The following ASIC2 variants were observed in gnomAD, a reference collection of about 807,000 sequenced individuals.
ASIC2 encodes acid sensing ion channel subunit 2.
ASIC2 carries 25 observed loss-of-function variants against 57.3 expected under a neutral mutation model. The ratio of observed to expected loss-of-function variants is 0.44; its 90% confidence interval spans 0.32 to 0.61. The LOEUF (loss-of-function observed/expected upper bound fraction) is 0.61, where lower values mean the gene tolerates loss of function less well. Ranked by LOEUF, ASIC2 falls within the 20% of genes least tolerant of loss-of-function variation. The pLI is 0.06. For synonymous variants in ASIC2, 319 were observed against 307.5 expected (o/e 1.04, Z -0.39); for missense variants, 641 against 738.1 (o/e 0.87, Z 1.52).
At chr17:33,695,738 C>T (rs1439509007) in intron 1 of ASIC2, among the ~76,000 whole-genome samples, 2 of 152,212 alleles carry the variant, frequency 1.3e-5, no homozygotes, top group Non-Finnish European at 2.9e-5. Context: ...ATATGTCCTC[C>T]ATTCCAGTCC....
intron 1 of ASIC2, among the ~76,000 whole-genome samples, chr17:33,583,479 AAC>A (rs1388488211): frequency 6.6e-6 from 1 of 152,174 alleles, no homozygotes; most frequent in Non-Finnish European, 1.5e-5. Context: ...CTATCTATGA[AAC>A]ACATTGAATG....
chr17:33,521,361 G>T (rs1013489331), intron 1 of ASIC2, among the ~76,000 whole-genome samples: 2 of 152,194 alleles, frequency 1.3e-5, no homozygotes, highest in Middle Eastern at 3.2e-3. Flanking sequence ...CCTGCCACTC[G>T]GGGCCAGCCT....
intron 1 of ASIC2, among the ~76,000 whole-genome samples, chr17:33,950,214 G>C (rs1011298399): frequency 8.5e-5 from 13 of 152,152 alleles, no homozygotes; most frequent in African/African-American, 3.1e-4. Context: ...TTCCCTCTCA[G>C]CCCAAGCACC....
At chr17:34,016,023 A>T (rs1230759439) in intron 1 of ASIC2, among the ~76,000 whole-genome samples, 12 of 152,224 alleles carry the variant, frequency 7.9e-5, no homozygotes. Flanking sequence ...TACCTCTCAA[A>T]ACATAAAATG....
At chr17:33,046,788 T>G (rs2091956923) in intron 3 of ASIC2, among the ~76,000 whole-genome samples, 1 of 152,334 alleles carries the variant, frequency 6.6e-6, no homozygotes, top group East Asian at 1.9e-4. Flanking sequence ...TCACTGATAA[T>G]TCTCCCTTGA....
rs1420289086 is a variant in ASIC2, at chr17:34,136,294, C to G, written c.555+19684G>C. 2.0e-5 allele frequency among the ~76,000 whole-genome samples: 3 copies of G among 152,192 alleles called. 1 individual carries two copies. Among genetic ancestry groups the G allele is most frequent in the African/African-American group, 7.2e-5 (3 of 41,444 alleles). ...TTGAAATGGCCCTGCAAAGCCATCTCTTATGGGGAAAATTTGCATTCTGTA... is the reference window on the plus strand; with the variant it reads ...TTGAAATGGCCCTGCAAAGCCATCTGTTATGGGGAAAATTTGCATTCTGTA... On this transcript the variant is annotated intron_variant, in intron 1 of 9. Transcript: ENST00000359872.
intron 1 of ASIC2, among the ~76,000 whole-genome samples, chr17:34,044,070 T>C (rs1277957488): frequency 2.0e-5 from 3 of 151,132 alleles, no homozygotes; most frequent in East Asian, 1.9e-4. Context: ...AAACAGCTCA[T>C]ACAAAATAAA....
At chr17:33,686,707 A>G (rs1346138870) in intron 1 of ASIC2, among the ~76,000 whole-genome samples, 1 of 152,186 alleles carries the variant, frequency 6.6e-6, no homozygotes, top group African/African-American at 2.4e-5. Context: ...AGCTCCTGGA[A>G]TTGGCCTTGT....
intron 2 of ASIC2, among the ~76,000 whole-genome samples, chr17:33,091,290 G>A (rs113055633): frequency 0.018 from 2,745 of 152,262 alleles, 72 homozygotes; most frequent in African/African-American, 0.063. Context: ...GAGAGAGTGT[G>A]GAGCCTGAAA....
chr17:33,022,423 T>C (rs1375314377), intron 6 of ASIC2, among the ~76,000 whole-genome samples: 2 of 152,168 alleles, frequency 1.3e-5, no homozygotes, highest in Admixed American at 1.3e-4. Flanking sequence ...TTCGTCCTAT[T>C]GGGGAGCAGT....
intron 1 of ASIC2, among the ~76,000 whole-genome samples, chr17:33,847,924 A>G (rs1217720125): frequency 1.3e-5 from 2 of 152,080 alleles, no homozygotes; most frequent in Non-Finnish European, 2.9e-5. Context: ...TGCAAATGCA[A>G]ATATATGGGG....
At chr17:33,456,280 T>G (rs1362170654) in intron 1 of ASIC2, among the ~76,000 whole-genome samples, 3 of 152,160 alleles carry the variant, frequency 2.0e-5, no homozygotes, top group Non-Finnish European at 4.4e-5. Context: ...TTCTGTTTCC[T>G]ACCCCCTTTA....
chr17:33,921,860 A>G (rs1915715591), intron 1 of ASIC2, among the ~76,000 whole-genome samples: 1 of 152,144 alleles, frequency 6.6e-6, no homozygotes, highest in Admixed American at 6.5e-5. Flanking sequence ...GAGAAGGAGG[A>G]GTGAATATTA....
chr17:33,606,222 A>G (rs939979615), intron 1 of ASIC2, among the ~76,000 whole-genome samples: 5 of 152,156 alleles, frequency 3.3e-5, no homozygotes, highest in African/African-American at 1.2e-4. Context: ...AGAATAAAAG[A>G]CGATTCTCGA....
intron 1 of ASIC2, among the ~76,000 whole-genome samples, chr17:33,171,156 C>T (rs1438163012): frequency 2.6e-5 from 4 of 152,196 alleles, no homozygotes; most frequent in Non-Finnish European, 5.9e-5. Context: ...AATTAGAAGA[C>T]CTGAGTTCTC....
intron 1 of ASIC2, among the ~76,000 whole-genome samples, chr17:33,373,711 T>A (rs1909171434): frequency 6.6e-6 from 1 of 152,100 alleles, no homozygotes; most frequent in Non-Finnish European, 1.5e-5. Flanking sequence ...GGAGTCTTGC[T>A]CTGTTGCCCA....
At chr17:33,650,950 A>G (rs979813176) in intron 1 of ASIC2, among the ~76,000 whole-genome samples, 1 of 152,216 alleles carries the variant, frequency 6.6e-6, no homozygotes, top group Non-Finnish European at 1.5e-5. Flanking sequence ...ATATTGTACT[A>G]TAGTTTTGCA....
chr17:33,876,490 GCTC>G (rs1914548942), intron 1 of ASIC2, among the ~76,000 whole-genome samples: 1 of 152,146 alleles, frequency 6.6e-6, no homozygotes, highest in African/African-American at 2.4e-5. Flanking sequence ...ATATTTTTGA[GCTC>G]CTTTTCTACT....
At chr17:33,154,260 T>C (rs1165099090) in intron 1 of ASIC2, among the ~76,000 whole-genome samples, 1 of 152,226 alleles carries the variant, frequency 6.6e-6, no homozygotes, top group African/African-American at 2.4e-5. Context: ...CATAGCTTAC[T>C]GCAACCTCAA....
Sources: gnomAD v4.1 joint callset for allele counts (sites outside exome capture counted in the v4.1 genomes callset) on GRCh38, gnomAD v4.1.1 for gene constraint, MANE v1.5 for transcripts, NCBI Gene and HGNC (gene_info 2026-07-23, HGNC 2026-07-21) for gene names.